Variants in MARCHF1 observed in about 807,000 individuals in gnomAD.
MARCHF1 encodes E3 ubiquitin-protein ligase MARCHF1.
Under a neutral mutation model 54.2 loss-of-function variants are expected in MARCHF1, and 40 were observed. The observed-to-expected ratio is 0.74, with a 90% CI of 0.57 to 0.96. The LOEUF is 0.96. MARCHF1 is among the 40% of genes least tolerant of loss of function. The probability of loss-of-function intolerance (pLI) is 0.00; values close to 1 mark genes in which losing one functional copy is unlikely to be tolerated. For synonymous variants in MARCHF1, 236 were observed against 236.3 expected (o/e 1.00, Z 0.01); for missense variants, 586 against 656.5 (o/e 0.89, Z 1.17).
chr4:164,249,998 C>T (rs1365557530), intron 1 of MARCHF1, among the ~76,000 whole-genome samples: 1 of 152,076 alleles, frequency 6.6e-6, no homozygotes, highest in African/African-American at 2.4e-5. Flanking sequence ...TCCTATTTAA[C>T]CTCATGATAG....
intron 1 of MARCHF1, among the ~76,000 whole-genome samples, chr4:164,264,496 G>C (rs1733553275): frequency 6.7e-6 from 1 of 150,330 alleles, no homozygotes; most frequent in Non-Finnish European, 1.5e-5. Flanking sequence ...AAAAAAAAAA[G>C]AAAATTAAAA....
At chr4:163,858,515 G>A (rs1442164687) in intron 3 of MARCHF1, among the ~76,000 whole-genome samples, 1 of 152,058 alleles carries the variant, frequency 6.6e-6, no homozygotes, top group Non-Finnish European at 1.5e-5. Context: ...GAATGGTCTT[G>A]TCTAAGAATG....
At chr4:163,904,386 T>C (rs1309293231) in intron 3 of MARCHF1, among the ~76,000 whole-genome samples, 1 of 152,170 alleles carries the variant, frequency 6.6e-6, no homozygotes, top group Non-Finnish European at 1.5e-5. Context: ...TAGGGCAGGG[T>C]TAGTTTTTAA....
intron 4 of MARCHF1, among the ~76,000 whole-genome samples, chr4:163,743,144 G>T (rs1746258122): frequency 6.6e-6 from 1 of 152,212 alleles, no homozygotes; most frequent in South Asian, 2.1e-4. Flanking sequence ...GAAGAGGACA[G>T]AGGTGAAGAA....
chr4:163,552,531 A>G (rs547980900), intron 8 of MARCHF1, among the ~76,000 whole-genome samples: 37 of 152,308 alleles, frequency 2.4e-4, no homozygotes, highest in African/African-American at 8.4e-4. Flanking sequence ...GCTACCACTC[A>G]GTTTGAGTCT....
intron 5 of MARCHF1, among the ~76,000 whole-genome samples, chr4:163,670,583 TTTTCTCTC>T (rs148025764): frequency 0.017 from 2,591 of 152,166 alleles, 52 homozygotes; most frequent in East Asian, 0.08. Flanking sequence ...CTTTCTTTTC[TTTTCTCTC>T]TTTCTCTCTC....
chr4:163,807,404 C>T (rs865975395), intron 4 of MARCHF1, among the ~76,000 whole-genome samples: 16 of 152,066 alleles, frequency 1.1e-4, no homozygotes, highest in African/African-American at 3.9e-4. Flanking sequence ...ATACTTTTTC[C>T]GAAGAGGCTT....
intron 3 of MARCHF1, among the ~76,000 whole-genome samples, chr4:163,861,964 A>T: frequency 6.6e-6 from 1 of 152,144 alleles, no homozygotes; most frequent in East Asian, 1.9e-4. Flanking sequence ...TCAATTCAAG[A>T]GAAAGACTAA....
intron 4 of MARCHF1, among the ~76,000 whole-genome samples, chr4:163,775,782 TA>T (rs937565986): frequency 2.4e-4 from 37 of 151,924 alleles, no homozygotes; most frequent in African/African-American, 8.4e-4. Flanking sequence ...TGAGTGGATA[TA>T]AAAAAAGGGG....
intron 1 of MARCHF1, among the ~76,000 whole-genome samples, chr4:164,265,460 G>A (rs1331429490): frequency 6.9e-6 from 1 of 143,932 alleles, no homozygotes; most frequent in African/African-American, 2.7e-5. Flanking sequence ...CTGGCTAATA[G>A]TAGGCACCTA....
chr4:164,059,226 G>A lies in MARCHF1; in HGVS notation c.-248+52362C>T, dbSNP rs574505779. Among the ~76,000 whole-genome samples the A allele has an allele frequency of 2.0e-5, 3 of 152,220 alleles. No individual in the cohort carries two copies. In the East Asian group the frequency reaches 5.8e-4, roughly 29 times the overall value. ...CCGGAGTAAATGATGTCCTGTTATA[G>A]AGGCATTGATTCAGTTTGCTTTCTC... is the stretch of plus-strand genomic sequence containing the variant. On this transcript the variant is annotated intron_variant, in intron 2 of 9. Transcript: ENST00000514618.
intron 4 of MARCHF1, among the ~76,000 whole-genome samples, chr4:163,721,617 C>G (rs1228835322): frequency 6.6e-6 from 1 of 152,060 alleles, no homozygotes; most frequent in Non-Finnish European, 1.5e-5. Context: ...CCAGCTCCTC[C>G]TTGTACCTAT....
chr4:163,952,055 T>C (rs1752143587), intron 3 of MARCHF1, among the ~76,000 whole-genome samples: 1 of 152,238 alleles, frequency 6.6e-6, no homozygotes, highest in East Asian at 1.9e-4. Context: ...ACAAAGATTC[T>C]ATTGATCTCC....
At chr4:163,549,729 A>G (rs576475130) in intron 8 of MARCHF1, among the ~76,000 whole-genome samples, 358 of 151,796 alleles carry the variant, frequency 2.4e-3, no homozygotes, top group Non-Finnish European at 3.7e-3. Context: ...AAGAAATCCA[A>G]CAGAACTCTA....
Position 163,528,517 on chromosome 4 carries a change from C to T in MARCHF1, c.*231G>A. ...AATTGTCTTGGAAATCATTCTCTTGCAAACTTCACATTTCCATATCATACT... is the reference window on the plus strand; with the variant it reads ...AATTGTCTTGGAAATCATTCTCTTGTAAACTTCACATTTCCATATCATACT... On this transcript the variant is annotated 3_prime_UTR_variant, in exon 10 of 10. Transcript: ENST00000514618. 2 of 473,510 alleles carry T rather than the reference C, an allele frequency of 4.2e-6. No homozygotes were observed. The highest frequency in any genetic ancestry group is 7.5e-6 in the Non-Finnish European group (2 of 267,268). 29.3% of individuals were successfully genotyped at this position (473,510 alleles called of 1,614,324 possible).
At chr4:164,117,243 G>A (rs977914850) in intron 1 of MARCHF1, among the ~76,000 whole-genome samples, 7 of 151,946 alleles carry the variant, frequency 4.6e-5, no homozygotes, top group African/African-American at 1.5e-4. Flanking sequence ...GGGTGATAGA[G>A]TGATATGCAG....
At chr4:164,018,075 A>G (rs1753582648) in intron 2 of MARCHF1, among the ~76,000 whole-genome samples, 1 of 152,006 alleles carries the variant, frequency 6.6e-6, no homozygotes. Flanking sequence ...TTTTAAACCA[A>G]ATGATCTGGT....
At chr4:163,564,250 C>G (rs188632861) in intron 8 of MARCHF1, among the ~76,000 whole-genome samples, 10 of 152,234 alleles carry the variant, frequency 6.6e-5, no homozygotes, top group Admixed American at 2.6e-4. Context: ...AACCAAAAAG[C>G]CTTTGTTGAC....
chr4:163,946,402 T>C (rs189523057), intron 3 of MARCHF1, among the ~76,000 whole-genome samples: 10 of 152,264 alleles, frequency 6.6e-5, no homozygotes, highest in African/African-American at 2.2e-4. Context: ...CATCTCTCTA[T>C]AGTCCTGATT....
Sources: gnomAD v4.1 joint callset for allele counts (sites outside exome capture counted in the v4.1 genomes callset) on GRCh38, gnomAD v4.1.1 for gene constraint, MANE v1.5 for transcripts, NCBI Gene and HGNC (gene_info 2026-07-23, HGNC 2026-07-21) for gene names.